Variants in SCN11A observed in about 807,000 individuals in gnomAD.
The protein encoded by SCN11A is sodium voltage-gated channel alpha subunit 11, also known as sodium channel protein type 11 subunit alpha.
SCN11A carries 122 observed loss-of-function variants against 162.2 expected under a neutral mutation model. That is an observed-to-expected ratio of 0.75 (90% CI 0.65 to 0.87). The LOEUF is 0.87. Among genes scored for constraint, SCN11A ranks in the 40% least tolerant of loss-of-function variants. SCN11A has a pLI of 0.00. For missense variants in SCN11A, 2,015 were observed against 2,181.6 expected, an observed-to-expected ratio of 0.92 and a Z score of 1.52; for synonymous variants, 758 against 751.5, an observed-to-expected ratio of 1.01 and a Z score of -0.14.
Position 38,971,747 on chromosome 3 carries a change from A to C in SCN11A, c.-279-11324T>G, listed in dbSNP as rs180996583. Among the ~76,000 whole-genome samples, 10 of 152,248 alleles carry C rather than the reference A, an allele frequency of 6.6e-5. No individual in the cohort carries two copies. The East Asian group carries it at 1.9e-3, about 29-fold the overall frequency. On this transcript the variant is annotated intron_variant, in intron 2 of 29. Transcript: ENST00000302328. Reference sequence around the variant, plus strand: ...CCCTGTTTCTTGGTGAATGAGCCTCATCTCCTGGGTGGGCTGAAAGCTGGT... The same window carrying C: ...CCCTGTTTCTTGGTGAATGAGCCTCCTCTCCTGGGTGGGCTGAAAGCTGGT...
At position 38,950,261 on chromosome 3, in the gene SCN11A, T is replaced by C. The variant is rs778597965; in HGVS notation, c.102A>G (p.Gln34=). ...LAAIEKRIAI[Q]KEKKKSKDQT... ...GGTCTTTAGACTTCTTTTTCTCCTT[T>C]TGGATGGCAATCCGCTTCTCAATTG... Residue 34 remains glutamine (Q), a synonymous_variant, in exon 5 of 30, where the codon CAA becomes CAG. Coordinates refer to ENST00000302328, the MANE Select transcript of SCN11A (RefSeq NM_001349253.2). The C allele has an allele frequency of 4.1e-5, 66 of 1,613,866 alleles. No individual in the cohort carries two copies. The highest frequency in any genetic ancestry group is 5.4e-5 in the Non-Finnish European group (64 of 1,179,996).
chr3:38,981,934 G>A (rs555353998), intron 2 of SCN11A, among the ~76,000 whole-genome samples: 96 of 151,822 alleles, frequency 6.3e-4, no homozygotes, highest in Middle Eastern at 6.8e-3. Context: ...AACCCAGGAG[G>A]CAGAGGTTGC....
chr3:38,883,498 G>T, intron 21 of SCN11A, 111 bp from the exon 22 acceptor site: 1 of 960,430 alleles, frequency 1.0e-6, no homozygotes, highest in South Asian at 1.7e-5. Context: ...ACCTGCAGTT[G>T]CTCCCATTAA....
chr3:38,889,211 A>T (rs1380095439), intron 19 of SCN11A, among the ~76,000 whole-genome samples: 1 of 151,624 alleles, frequency 6.6e-6, no homozygotes, highest in Non-Finnish European at 1.5e-5. Context: ...GGATCACCTG[A>T]GGTCCAGAGT....
chr3:38,907,855 A>G, intron 14 of SCN11A, 94 bp downstream of exon 14: 1 of 1,071,640 alleles, frequency 9.3e-7, no homozygotes. Context: ...ATAAATGAGT[A>G]ACTGAATAAA....
At chr3:38,977,812 A>G (rs1387256858) in intron 2 of SCN11A, among the ~76,000 whole-genome samples, 3 of 152,124 alleles carry the variant, frequency 2.0e-5, no homozygotes, top group African/African-American at 7.2e-5. Flanking sequence ...CAGATAAGCC[A>G]TTCTTTCAAA....
intron 2 of SCN11A, among the ~76,000 whole-genome samples, chr3:38,977,052 A>G (rs879270999): frequency 1.3e-5 from 2 of 152,224 alleles, no homozygotes; most frequent in African/African-American, 2.4e-5. Flanking sequence ...CAACTTCTCA[A>G]AAGCCTCTCT....
intron 2 of SCN11A, among the ~76,000 whole-genome samples, chr3:38,978,369 G>C (rs979924807): frequency 6.6e-6 from 1 of 151,934 alleles, no homozygotes; most frequent in Non-Finnish European, 1.5e-5. Flanking sequence ...ACTTTTCCTC[G>C]GCACGGTAGC....
intron 7 of SCN11A, among the ~76,000 whole-genome samples, chr3:38,933,823 T>A (rs1166188328): frequency 6.6e-6 from 1 of 152,088 alleles, no homozygotes; most frequent in East Asian, 1.9e-4. Context: ...CAGGAGAACT[T>A]CCCCAATCTA....
At chr3:38,987,106 G>A (rs142318289) in intron 2 of SCN11A, among the ~76,000 whole-genome samples, 6 of 152,098 alleles carry the variant, frequency 3.9e-5, no homozygotes, top group Non-Finnish European at 8.8e-5. Flanking sequence ...TGACTAATGC[G>A]CAGTAAAAGA....
chr3:38,850,570 C>T lies in SCN11A; in HGVS notation c.4238G>A (p.Cys1413Tyr), dbSNP rs2064759214. The T allele has an allele frequency of 6.2e-7, 1 of 1,613,686 alleles. No homozygotes were observed. The highest frequency in any genetic ancestry group is 8.5e-7 in the Non-Finnish European group (1 of 1,179,804). The stretch of plus-strand genomic sequence containing the variant: ...CCTCAAAGCAAAGATTTTGATGAGA[C>T]ATTCTAACGTAAAGATGACCACAAA... Reference protein sequence around the residue: ...WVFVVIFTLECLIKIFALRQY... With the variant: ...WVFVVIFTLEYLIKIFALRQY... The change falls in exon 29 of 30, where the codon TGT becomes TAT. Residue 1413 changes from cysteine to tyrosine, a missense_variant. Transcript: ENST00000302328.
chr3:39,034,460 C>G (rs9835013), intron 1 of SCN11A, among the ~76,000 whole-genome samples: 23,109 of 152,044 alleles, frequency 0.15, 3,501 homozygotes, highest in African/African-American at 0.39. Context: ...CATATCTCAA[C>G]ACAGTAAAAG....
At chr3:39,043,955 T>C (rs1252212684) in intron 1 of SCN11A, among the ~76,000 whole-genome samples, 3 of 152,124 alleles carry the variant, frequency 2.0e-5, no homozygotes, top group African/African-American at 7.2e-5. Context: ...AAAGATCTCA[T>C]ATATCCCATA....
chr3:38,958,434 T>C (rs2066707880), intron 3 of SCN11A, among the ~76,000 whole-genome samples: 1 of 152,222 alleles, frequency 6.6e-6, no homozygotes, highest in Admixed American at 6.5e-5. Flanking sequence ...CACCATCACC[T>C]GCTTCTGTTA....
chr3:38,970,173 G>A (rs1468918310), intron 2 of SCN11A, among the ~76,000 whole-genome samples: 1 of 152,132 alleles, frequency 6.6e-6, no homozygotes, highest in East Asian at 1.9e-4. Context: ...CAAGAGGGGG[G>A]ATCTCTCTTG....
chr3:38,990,668 G>A (rs1345819151), intron 2 of SCN11A, among the ~76,000 whole-genome samples: 1 of 152,108 alleles, frequency 6.6e-6, no homozygotes, highest in African/African-American at 2.4e-5. Flanking sequence ...TCCTGTGCAA[G>A]CCCTTTATAT....
At chr3:38,859,185 G>C (rs930158154) in intron 28 of SCN11A, among the ~76,000 whole-genome samples, 1 of 151,736 alleles carries the variant, frequency 6.6e-6, no homozygotes, top group South Asian at 2.1e-4. Context: ...AGATCAAGCA[G>C]AAATAAATTA....
At chr3:39,005,306 T>C (rs1408181815) in intron 2 of SCN11A, among the ~76,000 whole-genome samples, 1 of 152,174 alleles carries the variant, frequency 6.6e-6, no homozygotes, top group Non-Finnish European at 1.5e-5. Flanking sequence ...TAAAACAGTA[T>C]AAAACAATAT....
At chr3:38,980,541 C>T (rs1349582393) in intron 2 of SCN11A, among the ~76,000 whole-genome samples, 2 of 152,110 alleles carry the variant, frequency 1.3e-5, no homozygotes, top group Non-Finnish European at 2.9e-5. Flanking sequence ...GTCTGTGATA[C>T]AGAGATGGTA....
Sources: gnomAD v4.1 joint callset for allele counts (sites outside exome capture counted in the v4.1 genomes callset) on GRCh38, gnomAD v4.1.1 for gene constraint, MANE v1.5 for transcripts, NCBI Gene and HGNC (gene_info 2026-07-23, HGNC 2026-07-21) for gene names.